SLC1A5: variants seen among roughly 807,000 people sequenced by gnomAD.
The protein encoded by SLC1A5 is neutral amino acid transporter B(0).
Under a neutral mutation model 34.9 loss-of-function variants are expected in SLC1A5, and 25 were observed. The ratio of observed to expected loss-of-function variants is 0.72; its 90% CI spans 0.52 to 1.00. The LOEUF is 1.00. Ranked by LOEUF, SLC1A5 falls within the 50% of genes least tolerant of loss-of-function variation. The pLI is 0.00. For synonymous variants in SLC1A5, 351 were observed against 341.2 expected (o/e 1.03, Z -0.32); for missense variants, 637 against 740.0 (o/e 0.86, Z 1.61).
rs1320422277 is a variant in SLC1A5 at position 46,781,429 on chromosome 19, T to G, written c.824+954A>C. On this transcript the variant is annotated intron_variant, in intron 4 of 7. Transcript: ENST00000542575. ...GCCTGACCAACATGGAGAAACCCCGTCTCTACTAAAAATACAAAATTAGCC... is the reference window on the plus strand; with the variant it reads ...GCCTGACCAACATGGAGAAACCCCGGCTCTACTAAAAATACAAAATTAGCC... Among the ~76,000 whole-genome samples the G allele has an allele frequency of 2.0e-5, 3 of 151,946 alleles. No homozygotes were observed. In the East Asian group the frequency reaches 5.8e-4, roughly 29 times the overall value.
chr19:46,784,758 C>A (rs1475061488), intron 1 of SLC1A5, 199 bp from the exon 2 acceptor site: 3 of 1,458,420 alleles, frequency 2.1e-6, no homozygotes. Context: ...GGGGAGTCAG[C>A]CTCCTTCAGC....
chr19:46,782,338 A>ACCCCCCCAACCCCCCCCCCCCCC lies in SLC1A5; in HGVS notation c.824+44_824+45insGGGGGGGGGGGGGGTTGGGGGGG. On this transcript the variant is annotated intron_variant, in intron 4 of 7. Coordinates refer to ENST00000542575, the MANE Select transcript of SLC1A5 (RefSeq NM_005628.3). Reference sequence around the variant, plus strand: ...CGCACCTGCCTCTGGCAGCAGACCGACCCTCCAACCCCACCCACCCCCAGC... The same window carrying ACCCCCCCAACCCCCCCCCCCCCC: ...CGCACCTGCCTCTGGCAGCAGACCGACCCCCCCAACCCCCCCCCCCCCCCCCTCCAACCCCACCCACCCCCAGC... 3 of 1,009,382 alleles carry ACCCCCCCAACCCCCCCCCCCCCC rather than the reference A, an allele frequency of 3.0e-6. No individual in the cohort carries two copies. In the South Asian group the frequency reaches 4.2e-5, roughly 14 times the overall value. The allele number at this position is 1,009,382 out of a possible 1,614,324, so 62.5% of individuals were successfully genotyped here.
At position 46,787,335 on chromosome 19, in the gene SLC1A5, G is replaced by A; in HGVS notation, c.566+65C>T. 2 of 1,546,590 alleles carry A rather than the reference G, an allele frequency of 1.3e-6. No individual in the cohort carries two copies. The highest frequency in any genetic ancestry group is 1.7e-6 in the Non-Finnish European group (2 of 1,145,204). Reference sequence around the variant, plus strand: ...TCCAGGGGCCCCAAAGCCCCGTCCTGTCCACGTGACCACTCCCGCCATCCG... The same window carrying A: ...TCCAGGGGCCCCAAAGCCCCGTCCTATCCACGTGACCACTCCCGCCATCCG... On this transcript the variant is annotated intron_variant, in intron 1 of 7. Transcript: ENST00000542575. This position sits in a 1 kb window ranked among gnomAD's most constrained non-coding sequence, Gnocchi z 5.2.
chr19:46,783,466 C>CAAAA (rs113636275), intron 3 of SLC1A5, among the ~76,000 whole-genome samples: 54 of 99,772 alleles, frequency 5.4e-4, no homozygotes, highest in South Asian at 1.0e-3. Flanking sequence ...AATTCTGTCT[C>CAAAA]AAAAAAAAAA....
At chr19:46,782,680 C>T in intron 3 of SLC1A5, 131 bp from the exon 4 acceptor site, 1 of 1,013,832 alleles carries the variant, frequency 9.9e-7, no homozygotes, top group African/African-American at 1.6e-5. Flanking sequence ...TCCCAAGGCT[C>T]CCAGTCCAGG....
rs772642358 is a variant in SLC1A5, at chr19:46,775,704, C to G, written c.1432G>C (p.Gly478Arg). Residue 478 changes from glycine to arginine, a missense_variant, in exon 8 of 8, where the codon GGG (glycine) becomes CGG (arginine). By Grantham distance (125) the Gly-to-Arg change is moderately radical. Coordinates refer to ENST00000542575, the MANE Select transcript of SLC1A5 (RefSeq NM_005628.3). ...TVLNVEGDAL[G>R]AGLLQNYVDR... is the part of the protein sequence containing the mutation. Reference sequence around the variant, plus strand: ...ACGTAATTTTGGAGGAGTCCTGCCCCCAGAGCGTCACCTTCTACATTGAGG... The same window carrying G: ...ACGTAATTTTGGAGGAGTCCTGCCCGCAGAGCGTCACCTTCTACATTGAGG... The G allele has an allele frequency of 1.2e-6, 2 of 1,614,062 alleles. No individual in the cohort carries two copies. Among genetic ancestry groups the G allele is most frequent in the African/African-American group, 1.3e-5 (1 of 75,038 alleles).
rs201808175 is a variant in SLC1A5 at position 46,782,566 on chromosome 19, G to C, written c.658-17C>G. ...CACGGGCACCTGTGGGCAAGGAACA[G>C]ATCGGGGTGGAAAGGACACTCAGTC... On this transcript the variant is annotated splice_polypyrimidine_tract_variant and intron_variant, in intron 3 of 7. Transcript: ENST00000542575. 2 of 1,613,500 alleles carry C rather than the reference G, an allele frequency of 1.2e-6. No individual in the cohort carries two copies. The highest frequency in any genetic ancestry group is 2.2e-5 in the East Asian group (1 of 44,880).
chr19:46,784,017 A>G (rs912089838), intron 3 of SLC1A5, 80 bp downstream of exon 3: 2 of 1,060,442 alleles, frequency 1.9e-6, no homozygotes, highest in African/African-American at 3.1e-5. Context: ...TCCACAGCAA[A>G]GACTAAGGCA....
Position 46,787,927 on chromosome 19 carries a change from T to G in SLC1A5, c.39A>C (p.Ala13=), listed in dbSNP as rs745577334. 5.7e-6 allele frequency: 9 copies of G among 1,578,150 alleles called. No homozygotes were observed. In the Admixed American group the frequency reaches 1.1e-4, roughly 19 times the overall value. The change falls in exon 1 of 8, where the codon GCA becomes GCC. Residue 13 remains alanine (A), a synonymous_variant. Transcript: ENST00000542575. The surrounding 1 kb of genome is among the most constrained non-coding windows in gnomAD (Gnocchi z 5.2). ...ADPPRDSKGL[A]AAEPTANGGL... ...CCCCGTTGGCGGTGGGCTCCGCCGC[T>G]GCGAGCCCCTTGGAGTCTCGAGGAG...
intron 1 of SLC1A5, among the ~76,000 whole-genome samples, chr19:46,786,674 A>C (rs73940770): frequency 0.07 from 10,710 of 152,182 alleles, 572 homozygotes; most frequent in East Asian, 0.22. Flanking sequence ...CGCCCTCCTC[A>C]AAGTGGGGGA....
intron 4 of SLC1A5, 37 bp downstream of exon 4, chr19:46,782,346 A>ACCCCCCCCCCCCCCACCCCCCCCCC: frequency 1.8e-6 from 1 of 567,986 alleles, no homozygotes. Context: ...CGACCCTCCA[A>ACCCCCCCCCCCCCCACCCCCCCCCC]CCCCACCCAC....
intron 4 of SLC1A5, among the ~76,000 whole-genome samples, chr19:46,781,885 C>T (rs1323098976): frequency 1.7e-4 from 26 of 152,086 alleles, no homozygotes; most frequent in Admixed American, 1.6e-3. Flanking sequence ...TAAGACCTTC[C>T]GTGTACCGTA....
intron 4 of SLC1A5, 124 bp downstream of exon 4, chr19:46,782,259 G>A: frequency 1.4e-6 from 1 of 718,770 alleles, no homozygotes; most frequent in Non-Finnish European, 2.3e-6. Flanking sequence ...TTAAATGCAG[G>A]TCATCTGGCT....
Position 46,787,366 on chromosome 19 carries a change from C to T in SLC1A5, c.566+34G>A. ...GTGACCACTCCCGCCATCCGTAACA[C>T]TCTTCCCCACCTCCCGGGGGAGCGG... On this transcript the variant is annotated intron_variant, in intron 1 of 7. Coordinates refer to ENST00000542575, the MANE Select transcript of SLC1A5 (RefSeq NM_005628.3). The surrounding 1 kb of genome is among the most constrained non-coding windows in gnomAD (Gnocchi z 5.2). 3.2e-6 allele frequency: 5 copies of T among 1,564,336 alleles called. No individual in the cohort carries two copies. In the South Asian group the frequency reaches 3.5e-5, roughly 11 times the overall value.
Position 46,775,408 on chromosome 19 carries a change from G to T in SLC1A5, c.*102C>A. The T allele has an allele frequency of 6.6e-7, 1 of 1,519,042 alleles. No homozygotes were observed. The highest frequency in any genetic ancestry group is 1.3e-5 in the South Asian group (1 of 74,496). The allele number at this position is 1,519,042 out of a possible 1,614,324, so 94.1% of individuals were successfully genotyped here. A position where few individuals can be genotyped will look rare whatever the true frequency, so the allele number is the denominator to read the frequency against. On this transcript the variant is annotated 3_prime_UTR_variant, in exon 8 of 8. Coordinates refer to ENST00000542575, the MANE Select transcript of SLC1A5 (RefSeq NM_005628.3). ...TGGGGCCCCTGGCTCCCCAGAGTGT[G>T]CAGGCAGACCCCCAGAGCCCTAGCT...
rs1740076430 is a variant in SLC1A5, at chr19:46,777,423, G to C, written c.1059-18C>G. The C allele has an allele frequency of 3.1e-6, 5 of 1,593,904 alleles. No homozygotes were observed. Among genetic ancestry groups the C allele is most frequent in the Non-Finnish European group, 4.3e-6 (5 of 1,169,870 alleles). ...TGGCGGAACTGCAAGGGATGGGGGA[G>C]CTGAGTTAGGTTAACCTGCTGACCG... On this transcript the variant is annotated intron_variant, in intron 5 of 7. Coordinates refer to ENST00000542575, the MANE Select transcript of SLC1A5 (RefSeq NM_005628.3).
intron 4 of SLC1A5, 37 bp downstream of exon 4, chr19:46,782,346 A>ACCCCCCCCCCCCCCCACCCCCCCCCCCCC: frequency 3.5e-6 from 2 of 567,986 alleles, no homozygotes; most frequent in South Asian, 3.6e-5. Context: ...CGACCCTCCA[A>ACCCCCCCCCCCCCCCACCCCCCCCCCCCC]CCCCACCCAC....
intron 3 of SLC1A5, 51 bp downstream of exon 3, chr19:46,784,046 T>C (rs776541975): frequency 4.7e-6 from 7 of 1,481,012 alleles, no homozygotes; most frequent in Middle Eastern, 1.7e-4. Flanking sequence ...ACCAAAAAAT[T>C]ATAGCAATAG....
In SLC1A5 at chr19:46,787,303, T is replaced by A. The variant is rs957105354; in HGVS notation, c.566+97A>T. On this transcript the variant is annotated intron_variant, in intron 1 of 7. Coordinates refer to ENST00000542575, the MANE Select transcript of SLC1A5 (RefSeq NM_005628.3). The surrounding 1 kb of genome is among the most constrained non-coding windows in gnomAD (Gnocchi z 5.2). ...GTTTTCCTAAGACTCTAGAGGGAAG[T>A]CTCTGCTCCAGGGGCCCCAAAGCCC... 40 of 1,511,150 alleles carry A rather than the reference T, an allele frequency of 2.6e-5. No homozygotes were observed. The highest frequency in any genetic ancestry group is 3.4e-5 in the Non-Finnish European group (38 of 1,128,012). 93.6% of individuals were successfully genotyped at this position (1,511,150 alleles called of 1,614,324 possible). A position where few individuals can be genotyped will look rare whatever the true frequency, so the allele number is the denominator to read the frequency against.
Sources: allele counts gnomAD v4.1 joint callset (sites outside exome capture counted in the v4.1 genomes callset), GRCh38; gene constraint gnomAD v4.1.1; non-coding constraint Gnocchi (gnomAD v3.1); transcripts MANE v1.5; gene names NCBI Gene and HGNC (gene_info 2026-07-23, HGNC 2026-07-21).